Variants in FAM120B observed in about 807,000 individuals in gnomAD.
FAM120B encodes family with sequence similarity 120 member B.
FAM120B carries 83 observed loss-of-function variants against 96.3 expected under a neutral mutation model. That is an observed-to-expected ratio of 0.86 (90% CI 0.72 to 1.03). FAM120B has a LOEUF of 1.03. Ranked by LOEUF, FAM120B falls within the 50% of genes least tolerant of loss-of-function variation. FAM120B has a pLI of 0.00. For synonymous variants in FAM120B, 407 were observed against 402.7 expected (o/e 1.01, Z -0.13); for missense variants, 1,027 against 1,121.2 (o/e 0.92, Z 1.20).
At chr6:170,401,192 G>A (rs145569419) in intron 9 of FAM120B, among the ~76,000 whole-genome samples, 193 of 152,206 alleles carry the variant, frequency 1.3e-3, no homozygotes, top group Non-Finnish European at 2.4e-3. Context: ...CAGATCCCTC[G>A]GCCATCCAGT....
intron 6 of FAM120B, among the ~76,000 whole-genome samples, chr6:170,377,223 C>G (rs1207491282): frequency 9.2e-6 from 1 of 109,048 alleles, no homozygotes; most frequent in African/African-American, 4.3e-5. Flanking sequence ...GTGCTGTGCA[C>G]ACGCGTCCCT....
At chr6:170,362,134 T>C (rs1459418727) in intron 6 of FAM120B, among the ~76,000 whole-genome samples, 1 of 152,166 alleles carries the variant, frequency 6.6e-6, no homozygotes, top group East Asian at 1.9e-4. Context: ...AATTAAGCAA[T>C]AGGCTGAATT....
Position 170,344,343 on chromosome 6 carries a change from C to T in FAM120B, c.2018-3808C>T, listed in dbSNP as rs551128761. Among the ~76,000 whole-genome samples the T allele has an allele frequency of 6.2e-4, 78 of 126,120 alleles. 2 individuals are homozygous for T. Among genetic ancestry groups the T allele is most frequent in the African/African-American group, 2.3e-3 (72 of 31,280 alleles). 82.7% of individuals were successfully genotyped at this position (126,120 alleles called of 152,430 possible). ...CCTGAGTAGACCCACCTTGGAAGAA[C>T]GGATGAAATCGTTCAGTCCATTCAC... On this transcript the variant is annotated intron_variant, in intron 4 of 10. Transcript: ENST00000476287.
At chr6:170,379,242 T>G (rs2115279680) in intron 6 of FAM120B, among the ~76,000 whole-genome samples, 1 of 152,364 alleles carries the variant, frequency 6.6e-6, no homozygotes, top group East Asian at 1.9e-4. Flanking sequence ...TCCTTTATGA[T>G]ATAGTCAATA....
In FAM120B at chr6:170,309,645, A is replaced by G. The variant is rs551894054; in HGVS notation, c.-22+2803A>G. ...AGTGGGCAGTGTTAATACTGTTCCT[A>G]TTAGGACTTTAGTCCAAAGAATTAA... On this transcript the variant is annotated intron_variant, in intron 1 of 10. Coordinates refer to ENST00000476287, the MANE Select transcript of FAM120B (RefSeq NM_032448.3). 2.0e-5 allele frequency among the ~76,000 whole-genome samples: 3 copies of G among 152,376 alleles called. No homozygotes were observed. In the South Asian group the frequency reaches 6.2e-4, roughly 32 times the overall value.
chr6:170,295,531 C>A lies in FAM120B; in HGVS notation c.48+78C>A. 2 of 639,138 alleles carry A rather than the reference C, an allele frequency of 3.1e-6. No homozygotes were observed. The highest frequency in any genetic ancestry group is 2.8e-6 in the Non-Finnish European group (1 of 359,274). The allele number at this position is 639,138 out of a possible 1,614,324, so 39.6% of individuals were successfully genotyped here. A position where few individuals can be genotyped will look rare whatever the true frequency, so the allele number is the denominator to read the frequency against. ...TCCACAGCGGGCAGGAGCGCGACCC[C>A]CGGCGCGGGCAGCTCTGCGCGAAGG... On this transcript the variant is annotated intron_variant, in intron 1 of 10. Transcript: ENST00000537664. This position sits in a 1 kb window ranked among gnomAD's most constrained non-coding sequence, Gnocchi z 7.8.
intron 1 of FAM120B, among the ~76,000 whole-genome samples, chr6:170,316,702 CAT>C (rs1784924433): frequency 6.6e-6 from 1 of 152,174 alleles, no homozygotes; most frequent in Non-Finnish European, 1.5e-5. Context: ...GTATGTGACA[CAT>C]GTTTACAGTA....
intron 6 of FAM120B, among the ~76,000 whole-genome samples, chr6:170,364,236 C>T (rs1788639539): frequency 6.6e-6 from 1 of 152,180 alleles, no homozygotes; most frequent in African/African-American, 2.4e-5. Flanking sequence ...GACCTCTTCT[C>T]CTTTGAGCCT....
rs920224959 is a variant in FAM120B at position 170,370,830 on chromosome 6, A to T, written c.2283+12512A>T. On this transcript the variant is annotated intron_variant, in intron 6 of 10. Coordinates refer to ENST00000476287, the MANE Select transcript of FAM120B (RefSeq NM_032448.3). The surrounding 1 kb of genome is among the most constrained non-coding windows in gnomAD (Gnocchi z 4.3). ...CTATTCTTCATTATGCTGAGGTCTC[A>T]GGATGGTTGTGCGTCTCTAACAGAC... Among the ~76,000 whole-genome samples the T allele has an allele frequency of 1.3e-5, 2 of 152,194 alleles. No homozygotes were observed. Among genetic ancestry groups the T allele is most frequent in the Admixed American group, 1.3e-4 (2 of 15,276 alleles).
At chr6:170,352,822 G>A (rs182749002) in intron 5 of FAM120B, among the ~76,000 whole-genome samples, 1 of 152,112 alleles carries the variant, frequency 6.6e-6, no homozygotes, top group Admixed American at 6.5e-5. Flanking sequence ...TCTACTAAAA[G>A]AACTAGAGAA....
At chr6:170,401,182 C>G (rs566763756) in intron 9 of FAM120B, among the ~76,000 whole-genome samples, 1 of 152,336 alleles carries the variant, frequency 6.6e-6, no homozygotes, top group Admixed American at 6.5e-5. Context: ...GCCTCTGCAG[C>G]AGATCCCTCG....
chr6:170,319,344 A>G (rs1043898640), intron 2 of FAM120B, among the ~76,000 whole-genome samples: 2 of 152,202 alleles, frequency 1.3e-5, no homozygotes, highest in African/African-American at 4.8e-5. Context: ...ATAAGAATAC[A>G]AGAGAGAAAG....
At chr6:170,343,666 A>C (rs1269872452) in intron 4 of FAM120B, among the ~76,000 whole-genome samples, 2 of 152,086 alleles carry the variant, frequency 1.3e-5, no homozygotes, top group African/African-American at 4.8e-5. Context: ...CAGCTGAATC[A>C]CCTGGCTGGT....
Position 170,404,559 on chromosome 6 carries a change from A to T in FAM120B, c.2702A>T (p.Gln901Leu). The change falls in exon 10 of 11, where the codon CAG becomes CTG. Residue 901 changes from glutamine to leucine, a missense_variant. Gln to Leu is a moderately radical substitution (Grantham distance 113). Transcript: ENST00000476287. The part of the protein sequence containing the change: ...PWRDQGPGSR[Q>L]YEHDQWRRY The stretch of plus-strand genomic sequence containing the variant: ...TGTCTGTTTACTGCAGGAAGCAGAC[A>T]GTATGAGCATGACCAGTGGAGAAGG... The T allele has an allele frequency of 6.2e-7, 1 of 1,614,040 alleles. No homozygotes were observed. Among genetic ancestry groups the T allele is most frequent in the Non-Finnish European group, 8.5e-7 (1 of 1,179,922 alleles).
At chr6:170,389,671 C>T (rs1790379862) in intron 7 of FAM120B, among the ~76,000 whole-genome samples, 1 of 152,094 alleles carries the variant, frequency 6.6e-6, no homozygotes, top group African/African-American at 2.4e-5. Context: ...GTGATCCTCC[C>T]TCCTCAGCCT....
chr6:170,378,693 G>C (rs954751070), intron 6 of FAM120B, among the ~76,000 whole-genome samples: 1 of 152,176 alleles, frequency 6.6e-6, no homozygotes, highest in Admixed American at 6.5e-5. Flanking sequence ...TGGCGTAGAC[G>C]GGCCTGCAAA....
At chr6:170,313,619 G>A (rs147420568) in intron 1 of FAM120B, among the ~76,000 whole-genome samples, 40 of 152,274 alleles carry the variant, frequency 2.6e-4, no homozygotes, top group Middle Eastern at 6.8e-3. Context: ...TTCGAGATGC[G>A]AATTATTTCT....
intron 6 of FAM120B, among the ~76,000 whole-genome samples, chr6:170,364,633 C>A (rs1788659836): frequency 6.6e-6 from 1 of 152,198 alleles, no homozygotes; most frequent in African/African-American, 2.4e-5. Context: ...CTAGACAAAG[C>A]CCCATCTTTG....
intron 4 of FAM120B, among the ~76,000 whole-genome samples, chr6:170,336,426 T>C (rs1341411805): frequency 6.6e-6 from 1 of 152,200 alleles, no homozygotes; most frequent in African/African-American, 2.4e-5. Context: ...CACGCTGTTT[T>C]GGTTACTGTA....
Sources: allele counts gnomAD v4.1 joint callset (sites outside exome capture counted in the v4.1 genomes callset), GRCh38; gene constraint gnomAD v4.1.1; non-coding constraint Gnocchi (gnomAD v3.1); transcripts MANE v1.5; gene names NCBI Gene and HGNC (gene_info 2026-07-23, HGNC 2026-07-21).